ZNF469: variants seen among roughly 807,000 people sequenced by gnomAD.
ZNF469 encodes zinc finger protein 469.
ZNF469 carries 1 observed loss-of-function variant against 1.0 expected under a neutral mutation model. That is an observed-to-expected ratio of 1.00 (90% confidence interval 0.35 to 4.73). ZNF469 has a LOEUF of 4.73. ZNF469 is among the 30% of genes most tolerant of loss of function. The pLI is 0.16. For missense variants in ZNF469, 6,100 were observed against 5,356.3 expected (o/e 1.14, Z -4.33); for synonymous variants, 2,703 against 2,363.4 (o/e 1.14, Z -4.17).
At chr16:88,248,776 C>G in the ZNF469 span, among the ~76,000 whole-genome samples, 1 of 152,208 alleles carries the variant, frequency 6.6e-6, no homozygotes, top group Non-Finnish European at 1.5e-5. Flanking sequence ...TCCAGCCACT[C>G]ATTTCAACAG....
chr16:88,101,603 CG>C, the ZNF469 span, among the ~76,000 whole-genome samples: 1 of 151,788 alleles, frequency 6.6e-6, no homozygotes, highest in Non-Finnish European at 1.5e-5. Context: ...CTGGGTGCCC[CG>C]GCCACCCAGG....
At chr16:88,151,259 AGCC>A in the ZNF469 span, among the ~76,000 whole-genome samples, 1 of 152,234 alleles carries the variant, frequency 6.6e-6, no homozygotes, top group African/African-American at 2.4e-5. This position sits in a 1 kb window ranked among gnomAD's most constrained non-coding sequence, Gnocchi z 5.4. Context: ...CTCGACTGTC[AGCC>A]GGGACGACCC....
rs866760637 is a variant in ZNF469 at position 88,434,532 on chromosome 16, G to A, written c.7062G>A (p.Thr2354=). 33 of 1,550,190 alleles carry A rather than the reference G, an allele frequency of 2.1e-5. No individual in the cohort carries two copies. The highest frequency in any genetic ancestry group is 1.7e-4 in the Middle Eastern group (1 of 6,014). The change falls in exon 3 of 3, where the codon ACG becomes ACA. Residue 2354 remains threonine, a synonymous_variant. Coordinates refer to ENST00000565624, the MANE Select transcript of ZNF469 (RefSeq NM_001367624.2). ...CAGCTGTGCCCACTGAGCCTCCCAC[G>A]CTACAGGGTGCAGGGCCGGACTCCC... ...AVTAVPTEPP[T]LQGAGPDSPA...
At chr16:88,396,620 C>CTGGAGGAGACCCTCCTGAA (rs1904674168) in intron 1 of ZNF469, among the ~76,000 whole-genome samples, 1 of 148,190 alleles carries the variant, frequency 6.7e-6, no homozygotes, top group East Asian at 2.0e-4. Flanking sequence ...GAAGGGAGGC[C>CTGGAGGAGACCCTCCTGAA]GGGAGGAGAC....
At chr16:88,367,829 C>T in the ZNF469 span, among the ~76,000 whole-genome samples, 5 of 152,276 alleles carry the variant, frequency 3.3e-5, no homozygotes, top group South Asian at 2.1e-4. Context: ...ACCAGCTTTC[C>T]AAGAGACATA....
the ZNF469 span, among the ~76,000 whole-genome samples, chr16:88,122,224 A>C: frequency 6.9e-6 from 1 of 145,780 alleles, no homozygotes; most frequent in African/African-American, 2.5e-5. Context: ...AGCCACTGTG[A>C]TCGCAACCTG....
chr16:88,315,448 G>A, the ZNF469 span, among the ~76,000 whole-genome samples: 1 of 152,228 alleles, frequency 6.6e-6, no homozygotes, highest in African/African-American at 2.4e-5. Flanking sequence ...ACTCTGGCCT[G>A]ACGCTCACCC....
chr16:88,277,546 G>A, the ZNF469 span, among the ~76,000 whole-genome samples: 25 of 19,644 alleles, frequency 1.3e-3, 1 homozygote, highest in East Asian at 2.1e-3. Flanking sequence ...GCGCCACGCC[G>A]ACACTCGGTC....
At chr16:88,277,484 C>T in the ZNF469 span, among the ~76,000 whole-genome samples, 2 of 145,708 alleles carry the variant, frequency 1.4e-5, no homozygotes, top group African/African-American at 5.2e-5. Flanking sequence ...TAGTGCTGTG[C>T]CACGCTGACA....
chr16:88,176,518 C>G, the ZNF469 span, among the ~76,000 whole-genome samples: 2 of 152,226 alleles, frequency 1.3e-5, no homozygotes, highest in African/African-American at 4.8e-5. Context: ...AGCTTCTCCA[C>G]TAGGGCGTTG....
the ZNF469 span, among the ~76,000 whole-genome samples, chr16:88,316,545 C>CTTTTTTTTTTTTTT: frequency 4.0e-5 from 4 of 100,990 alleles, 1 homozygote; most frequent in African/African-American, 1.3e-4. Context: ...TAGGTGCTGT[C>CTTTTTTTTTTTTTT]TTTTTTTTTT....
chr16:88,428,154 G>A lies in ZNF469; in HGVS notation c.684G>A (p.Gln228=). The change falls in exon 3 of 3, where the codon CAG becomes CAA. Residue 228 remains glutamine, a synonymous_variant. Transcript: ENST00000565624. ...AGCCCGGTTCCTATCCCGAATACCA[G>A]GCCAGTGGGGCCGACTCCTGGCCTC... The part of the protein sequence containing the change: ...PLQPGSYPEY[Q]ASGADSWPPA... 2.6e-6 allele frequency: 4 copies of A among 1,550,202 alleles called. No individual in the cohort carries two copies. The South Asian group carries it at 4.8e-5, about 18-fold the overall frequency.
chr16:88,439,193 G>A lies in ZNF469; in HGVS notation c.11723G>A (p.Gly3908Asp), dbSNP rs760729082. 1.3e-6 allele frequency: 2 copies of A among 1,550,140 alleles called. No homozygotes were observed. The highest frequency in any genetic ancestry group is 1.7e-6 in the Non-Finnish European group (2 of 1,146,774). ...CCCCTGCTCAGGCCCCCCAAGAGGG[G>A]CACAGCTGTCCACGGTGCTGAACCT... is the stretch of plus-strand genomic sequence containing the variant. ...GRPLLRPPKR[G>D]TAVHGAEPAE... Residue 3908 changes from glycine to aspartate, a missense_variant, in exon 3 of 3, where the codon GGC becomes GAC. Coordinates refer to ENST00000565624, the MANE Select transcript of ZNF469 (RefSeq NM_001367624.2).
chr16:88,380,052 C>G (rs112300787), upstream of ZNF469, among the ~76,000 whole-genome samples: 127 of 152,206 alleles, frequency 8.3e-4, no homozygotes, highest in African/African-American at 2.9e-3. Flanking sequence ...TGCAGTCACA[C>G]ACACACATAC....
the ZNF469 span, among the ~76,000 whole-genome samples, chr16:88,303,612 C>G: frequency 6.6e-6 from 1 of 152,204 alleles, no homozygotes; most frequent in Admixed American, 6.5e-5. Flanking sequence ...GGCATGGGGT[C>G]CAGCTCCACC....
the ZNF469 span, among the ~76,000 whole-genome samples, chr16:88,146,095 G>C: frequency 3.9e-5 from 6 of 152,322 alleles, no homozygotes; most frequent in East Asian, 1.2e-3. Context: ...GCTCGCCCTG[G>C]CTGTGCACCC....
chr16:88,158,729 G>T, the ZNF469 span, among the ~76,000 whole-genome samples: 1 of 152,206 alleles, frequency 6.6e-6, no homozygotes, highest in Non-Finnish European at 1.5e-5. Context: ...TGGATCTGTG[G>T]CCTGTGGACA....
At chr16:88,241,090 C>G in the ZNF469 span, among the ~76,000 whole-genome samples, 1 of 152,132 alleles carries the variant, frequency 6.6e-6, no homozygotes, top group Admixed American at 6.5e-5. This position sits in a 1 kb window ranked among gnomAD's most constrained non-coding sequence, Gnocchi z 4.8. Flanking sequence ...ATTGTTAGGC[C>G]GGGCGCAGTG....
At chr16:88,196,952 C>T in the ZNF469 span, among the ~76,000 whole-genome samples, 1 of 152,196 alleles carries the variant, frequency 6.6e-6, no homozygotes, top group Non-Finnish European at 1.5e-5. Flanking sequence ...GTGACTTGCT[C>T]TTGAAAAGCA....
Sources: allele counts gnomAD v4.1 joint callset (sites outside exome capture counted in the v4.1 genomes callset), GRCh38; gene constraint gnomAD v4.1.1; non-coding constraint Gnocchi (gnomAD v3.1); transcripts MANE v1.5; gene names NCBI Gene and HGNC (gene_info 2026-07-23, HGNC 2026-07-21).